The following PRDM16 variants were observed in gnomAD, a reference collection of about 807,000 sequenced individuals.
PRDM16 encodes the protein histone-lysine N-methyltransferase PRDM16.
PRDM16 carries 23 observed loss-of-function variants against 110.6 expected under a neutral mutation model. The ratio of observed to expected loss-of-function variants is 0.21; its 90% CI spans 0.15 to 0.29. The LOEUF (loss-of-function observed/expected upper bound fraction) is 0.29, where lower values mean the gene tolerates loss of function less well. Among genes scored for constraint, PRDM16 ranks in the 10% least tolerant of loss-of-function variants. The pLI is 1.00. For missense variants in PRDM16, 1,615 were observed against 1,794.3 expected, an observed-to-expected ratio of 0.90 and a Z score of 1.81; for synonymous variants, 799 against 781.8, an observed-to-expected ratio of 1.02 and a Z score of -0.37.
At chr1:3,368,588 C>G (rs934605832) in intron 3 of PRDM16, among the ~76,000 whole-genome samples, 4 of 152,232 alleles carry the variant, frequency 2.6e-5, no homozygotes, top group African/African-American at 9.6e-5. Flanking sequence ...AGGCCCTCCT[C>G]TTGAGAAAGC....
At chr1:3,089,634 C>A (rs926245) in intron 1 of PRDM16, among the ~76,000 whole-genome samples, 13,314 of 152,316 alleles carry the variant, frequency 0.087, 741 homozygotes, top group Non-Finnish European at 0.13. Context: ...AGGGGCTCCC[C>A]GTGTGACTCG....
chr1:3,386,131 C>T (rs995739926), intron 4 of PRDM16, among the ~76,000 whole-genome samples: 3 of 150,072 alleles, frequency 2.0e-5, no homozygotes, highest in African/African-American at 7.3e-5. Context: ...ATCCTGAACA[C>T]CGTGCGTTCC....
chr1:3,328,095 C>T (rs893517182), intron 3 of PRDM16, among the ~76,000 whole-genome samples: 14 of 152,292 alleles, frequency 9.2e-5, no homozygotes, highest in African/African-American at 3.4e-4. Flanking sequence ...ATGTGCTAGG[C>T]GTTGGGGTCC....
chr1:3,149,896 C>G (rs1643744856), intron 1 of PRDM16, among the ~76,000 whole-genome samples: 1 of 152,184 alleles, frequency 6.6e-6, no homozygotes, highest in African/African-American at 2.4e-5. Context: ...CCTGCTGTTA[C>G]TTTTGAAGCT....
rs1309905548 is a variant in PRDM16, at chr1:3,412,739, C to T, written c.2542C>T (p.Pro848Ser). The T allele has an allele frequency of 6.0e-6, 9 of 1,502,616 alleles. No individual in the cohort carries two copies. The highest frequency in any genetic ancestry group is 2.3e-5 in the Admixed American group (1 of 43,986). The allele number at this position is 1,502,616 out of a possible 1,614,324, so 93.1% of individuals were successfully genotyped here. Reference protein sequence around the residue: ...GLPQVCPARMPQQPPLHYAKP... With the variant: ...GLPQVCPARMSQQPPLHYAKP... ...GCCCCAGGTGTGCCCGGCGCGGATG[C>T]CCCAGCAGCCCCCGCTCCACTACGC... The change falls in exon 9 of 17, where the codon CCC becomes TCC. Residue 848 changes from proline to serine, a missense_variant. Coordinates refer to ENST00000270722, the MANE Select transcript of PRDM16 (RefSeq NM_022114.4).
Position 3,213,253 on chromosome 1 carries a change from A to C in PRDM16, c.387+26779A>C, listed in dbSNP as rs985512708. Among the ~76,000 whole-genome samples the C allele has an allele frequency of 6.6e-6, 1 of 151,928 alleles. No homozygotes were observed. Among genetic ancestry groups the C allele is most frequent in the African/African-American group, 2.4e-5 (1 of 41,334 alleles). On this transcript the variant is annotated intron_variant, in intron 2 of 16. Coordinates refer to ENST00000270722, the MANE Select transcript of PRDM16 (RefSeq NM_022114.4). The surrounding 1 kb of genome is among the most constrained non-coding windows in gnomAD (Gnocchi z 5.3). ...TGAGGGGGGAAATGGAGAAGAAACC[A>C]CCTTCCCAAATCTTTATGAATTAAA...
In PRDM16 at chr1:3,411,625, C is replaced by T; in HGVS notation, c.1428C>T (p.Pro476=). The T allele has an allele frequency of 6.2e-7, 1 of 1,614,004 alleles. No individual in the cohort carries two copies. Among genetic ancestry groups the T allele is most frequent in the Non-Finnish European group, 8.5e-7 (1 of 1,179,970 alleles). The change falls in exon 9 of 17, where the codon CCC becomes CCT. Residue 476 remains proline, a synonymous_variant. Coordinates refer to ENST00000270722, the MANE Select transcript of PRDM16 (RefSeq NM_022114.4). ...TGATGGACAAGGCAAAACCCTCCCC[C>T]AGCCTCAATCACGCCAGCCTGGGCT... The part of the protein sequence containing the change: ...SPMMDKAKPS[P]SLNHASLGFN...
chr1:3,180,772 G>A (rs1182823982), intron 1 of PRDM16, among the ~76,000 whole-genome samples: 1 of 134,156 alleles, frequency 7.5e-6, no homozygotes, highest in Non-Finnish European at 1.6e-5. Flanking sequence ...CAACCCAGAG[G>A]CCGCATAGAG....
chr1:3,171,357 C>T (rs761553746), intron 1 of PRDM16, among the ~76,000 whole-genome samples: 1 of 152,244 alleles, frequency 6.6e-6, no homozygotes, highest in Admixed American at 6.5e-5. Context: ...CAGAAATCTC[C>T]GAGTGTGTTT....
In PRDM16 at chr1:3,431,278, G is replaced by C. The variant is rs113059246; in HGVS notation, c.3521+170G>C. Among the ~76,000 whole-genome samples the C allele has an allele frequency of 0.018, 2,695 of 152,332 alleles. 96 individuals are homozygous for C. The highest frequency in any genetic ancestry group is 0.061 in the African/African-American group (2,539 of 41,580). ...AGGCCAGGGCAAGGCTGGGCCAGGGGCAACGGGGTCAGGGGCCCTTAACCC... is the reference window on the plus strand; with the variant it reads ...AGGCCAGGGCAAGGCTGGGCCAGGGCCAACGGGGTCAGGGGCCCTTAACCC... On this transcript the variant is annotated intron_variant, in intron 15 of 16. Coordinates refer to ENST00000270722, the MANE Select transcript of PRDM16 (RefSeq NM_022114.4).
intron 3 of PRDM16, among the ~76,000 whole-genome samples, chr1:3,272,566 G>T (rs556490656): frequency 6.6e-6 from 1 of 152,196 alleles, no homozygotes; most frequent in Non-Finnish European, 1.5e-5. Flanking sequence ...CCAAAGGGAC[G>T]TCCCGCCAGT....
intron 2 of PRDM16, among the ~76,000 whole-genome samples, chr1:3,214,236 A>G (rs925598424): frequency 3.9e-5 from 6 of 152,180 alleles, no homozygotes; most frequent in Admixed American, 6.5e-5. Context: ...AAACTTCTAG[A>G]TCTGAGGAGG....
At chr1:3,400,547 G>A (rs1335467224) in intron 5 of PRDM16, among the ~76,000 whole-genome samples, 1 of 152,224 alleles carries the variant, frequency 6.6e-6, no homozygotes, top group Non-Finnish European at 1.5e-5. Flanking sequence ...TTTGTTCAGT[G>A]AGTGAACAAA....
At position 3,358,167 on chromosome 1, in the gene PRDM16, G is replaced by A. The variant is rs1373109560; in HGVS notation, c.439-26985G>A. 6.6e-6 allele frequency among the ~76,000 whole-genome samples: 1 copy of A among 152,254 alleles called. No individual in the cohort carries two copies. The highest frequency in any genetic ancestry group is 1.5e-5 in the Non-Finnish European group (1 of 68,044). On this transcript the variant is annotated intron_variant, in intron 3 of 16. Coordinates refer to ENST00000270722, the MANE Select transcript of PRDM16 (RefSeq NM_022114.4). This position sits in a 1 kb window ranked among gnomAD's most constrained non-coding sequence, Gnocchi z 4.0. ...TGCCCAGGGCAACGTGGACCACACA[G>A]ACACGGTGCAATAGGCCACTTTCTG... is the stretch of plus-strand genomic sequence containing the variant.
chr1:3,424,119 C>T (rs1038944074), intron 12 of PRDM16, among the ~76,000 whole-genome samples: 3 of 152,156 alleles, frequency 2.0e-5, no homozygotes, highest in African/African-American at 4.8e-5. Context: ...CCGCCGGATG[C>T]CCCCCAGGGA....
At chr1:3,128,445 G>A (rs548076162) in intron 1 of PRDM16, among the ~76,000 whole-genome samples, 1 of 152,286 alleles carries the variant, frequency 6.6e-6, no homozygotes, top group Admixed American at 6.5e-5. Context: ...GGAAACGCAG[G>A]TCACAGTAGC....
intron 3 of PRDM16, among the ~76,000 whole-genome samples, chr1:3,310,398 G>A (rs1267959189): frequency 6.6e-6 from 1 of 152,092 alleles, no homozygotes; most frequent in Non-Finnish European, 1.5e-5. Context: ...GCTGAGCCCG[G>A]TGACCCTGAG....
intron 3 of PRDM16, among the ~76,000 whole-genome samples, chr1:3,311,249 G>A (rs898930261): frequency 8.5e-5 from 13 of 152,354 alleles, no homozygotes; most frequent in African/African-American, 3.1e-4. Context: ...CTCCGAGGCC[G>A]GGTCTTTGTT....
At chr1:3,220,190 C>T (rs769250996) in intron 2 of PRDM16, among the ~76,000 whole-genome samples, 22 of 152,164 alleles carry the variant, frequency 1.4e-4, no homozygotes, top group African/African-American at 1.7e-4. Flanking sequence ...GCCGTCACTC[C>T]GTCTGCGGCA....
Sources: allele counts gnomAD v4.1 joint callset (sites outside exome capture counted in the v4.1 genomes callset), GRCh38; gene constraint gnomAD v4.1.1; non-coding constraint Gnocchi (gnomAD v3.1); transcripts MANE v1.5; gene names NCBI Gene and HGNC (gene_info 2026-07-23, HGNC 2026-07-21).